The following CNN3 variants were observed in gnomAD, a reference collection of about 807,000 sequenced individuals.
CNN3 encodes the protein calponin 3, also known as calponin-3.
CNN3 carries 11 observed loss-of-function variants against 39.0 expected under a neutral mutation model. The ratio of observed to expected loss-of-function variants is 0.28; its 90% CI spans 0.18 to 0.47. CNN3 has a LOEUF of 0.47. CNN3 is among the 20% of genes least tolerant of loss of function. The pLI is 0.99. For missense variants in CNN3, 266 were observed against 403.4 expected (o/e 0.66, Z 2.92); for synonymous variants, 101 against 138.3 (o/e 0.73, Z 1.89).
At chr1:94,918,520 A>T (rs1473285288) in intron 1 of CNN3, among the ~76,000 whole-genome samples, 1 of 134,682 alleles carries the variant, frequency 7.4e-6, no homozygotes, top group East Asian at 2.1e-4. Flanking sequence ...AAAAAAAAAA[A>T]GTCGGCAAGG....
chr1:94,900,483 T>C (rs924190337), intron 5 of CNN3, among the ~76,000 whole-genome samples: 2 of 152,206 alleles, frequency 1.3e-5, no homozygotes, highest in Non-Finnish European at 2.9e-5. Context: ...CTGATTTTTT[T>C]CCCCCATAAC....
At chr1:94,910,090 C>T (rs1348904075) in intron 1 of CNN3, among the ~76,000 whole-genome samples, 1 of 152,208 alleles carries the variant, frequency 6.6e-6, no homozygotes, top group Non-Finnish European at 1.5e-5. Flanking sequence ...TTACAACAGT[C>T]TCCCTAATTT....
intron 1 of CNN3, among the ~76,000 whole-genome samples, chr1:94,915,942 T>C (rs1235069574): frequency 6.6e-6 from 1 of 152,146 alleles, no homozygotes; most frequent in Admixed American, 6.5e-5. Flanking sequence ...GCTGGGCCCC[T>C]TCTCTTCCCA....
At chr1:94,918,404 G>A (rs1433771267) in intron 1 of CNN3, among the ~76,000 whole-genome samples, 2 of 147,020 alleles carry the variant, frequency 1.4e-5, no homozygotes, top group Non-Finnish European at 3.0e-5. Flanking sequence ...TGAGGCAGGA[G>A]AATCACTCGA....
At chr1:94,911,664 G>C (rs1671169111) in intron 1 of CNN3, among the ~76,000 whole-genome samples, 2 of 152,156 alleles carry the variant, frequency 1.3e-5, no homozygotes, top group South Asian at 4.1e-4. Flanking sequence ...AGCAACTTGG[G>C]AGGCTGAGGT....
In CNN3 at chr1:94,897,695, A is replaced by G. The variant is rs1176514596; in HGVS notation, c.*47T>C. 6.5e-7 allele frequency: 1 copy of G among 1,531,030 alleles called. No homozygotes were observed. Among genetic ancestry groups the G allele is most frequent in the African/African-American group, 1.4e-5 (1 of 73,226 alleles). 94.8% of individuals were successfully genotyped at this position (1,531,030 alleles called of 1,614,324 possible). ...ATTACTCAAGGCTAGCTTGGTTCTC[A>G]CTGAATAAAAACAAAGGACTAAATA... is the stretch of plus-strand genomic sequence containing the variant. On this transcript the variant is annotated 3_prime_UTR_variant, in exon 7 of 7. Transcript: ENST00000370206.
chr1:94,899,144 C>T (rs142788294), intron 6 of CNN3, among the ~76,000 whole-genome samples: 2 of 152,166 alleles, frequency 1.3e-5, no homozygotes, highest in African/African-American at 4.8e-5. Context: ...TTTCTGCTGG[C>T]TAGGTAGAAA....
At chr1:94,906,917 G>A (rs1237766042) in intron 1 of CNN3, among the ~76,000 whole-genome samples, 2 of 152,138 alleles carry the variant, frequency 1.3e-5, no homozygotes, top group African/African-American at 2.4e-5. Flanking sequence ...CCCAAACCAC[G>A]AAGTGACTAC....
chr1:94,920,519 T>C (rs573452764), intron 1 of CNN3, among the ~76,000 whole-genome samples: 15 of 152,374 alleles, frequency 9.8e-5, no homozygotes, highest in African/African-American at 3.6e-4. Flanking sequence ...ATGTGGGCTT[T>C]TGATTCCAGG....
At chr1:94,906,379 G>A (rs1046156373) in intron 1 of CNN3, among the ~76,000 whole-genome samples, 2 of 152,146 alleles carry the variant, frequency 1.3e-5, no homozygotes, top group African/African-American at 4.8e-5. Context: ...GGAGGTGGTG[G>A]TATGAAAGGG....
intron 1 of CNN3, among the ~76,000 whole-genome samples, chr1:94,916,755 T>G (rs1671286923): frequency 6.6e-6 from 1 of 152,236 alleles, no homozygotes; most frequent in Non-Finnish European, 1.5e-5. Flanking sequence ...AAGTTTCCTC[T>G]GCTTCAGTTT....
intron 1 of CNN3, among the ~76,000 whole-genome samples, chr1:94,912,760 A>T (rs1158255011): frequency 6.6e-6 from 1 of 152,216 alleles, no homozygotes; most frequent in Non-Finnish European, 1.5e-5. Flanking sequence ...TTTGAATGTC[A>T]CTGCCTTTTA....
chr1:94,912,228 T>A (rs1357636909), intron 1 of CNN3, among the ~76,000 whole-genome samples: 2 of 152,060 alleles, frequency 1.3e-5, no homozygotes, highest in Non-Finnish European at 2.9e-5. Context: ...ACACATATAG[T>A]TTATAGTGGA....
At chr1:94,910,769 C>T (rs1229861556) in intron 1 of CNN3, among the ~76,000 whole-genome samples, 3 of 152,182 alleles carry the variant, frequency 2.0e-5, no homozygotes, top group Non-Finnish European at 4.4e-5. Context: ...GAACCCACCG[C>T]AATACCTGAC....
Position 94,912,275 on chromosome 1 carries a change from G to C in CNN3, c.58-8751C>G, listed in dbSNP as rs182275534. On this transcript the variant is annotated intron_variant, in intron 1 of 6. Transcript: ENST00000370206. ...TCAAATCTAAACAAGGAGCGAACAAGTATAGACACTGGATTCCCAGAAGAA... is the reference window on the plus strand; with the variant it reads ...TCAAATCTAAACAAGGAGCGAACAACTATAGACACTGGATTCCCAGAAGAA... Among the ~76,000 whole-genome samples the C allele has an allele frequency of 1.0e-3, 157 of 152,288 alleles. 2 individuals carry two copies. The highest frequency in any genetic ancestry group is 9.2e-3 in the Admixed American group (141 of 15,294).
rs1297266789 is a variant in CNN3 at position 94,926,981 on chromosome 1, G to T, written c.-87C>A. On this transcript the variant is annotated 5_prime_UTR_variant, in exon 1 of 7. Coordinates refer to ENST00000370206, the MANE Select transcript of CNN3 (RefSeq NM_001839.5). The surrounding 1 kb of genome is among the most constrained non-coding windows in gnomAD (Gnocchi z 4.2). ...CCGCTCCTGGCCCCGAGGAGTGGCC[G>T]CCGCGGGGGATGCTCGAACTCCCTC... is the stretch of plus-strand genomic sequence containing the variant. 7.1e-7 allele frequency: 1 copy of T among 1,416,082 alleles called. No individual in the cohort carries two copies. Among genetic ancestry groups the T allele is most frequent in the Non-Finnish European group, 9.8e-7 (1 of 1,025,598 alleles). The allele number at this position is 1,416,082 out of a possible 1,614,324, so 87.7% of individuals were successfully genotyped here. A position where few individuals can be genotyped will look rare whatever the true frequency, so the allele number is the denominator to read the frequency against.
rs1289374364 is a variant in CNN3, at chr1:94,903,458, T to G, written c.124A>C (p.Met42Leu). 6 of 1,613,082 alleles carry G rather than the reference T, an allele frequency of 3.7e-6. No individual in the cohort carries two copies. In the South Asian group the frequency reaches 4.4e-5, roughly 12 times the overall value. Reference protein sequence around the residue: ...LRNWIEEVTGMSIGPNFQLGL... With the variant: ...LRNWIEEVTGLSIGPNFQLGL... ...AGCTGGAAGTTGGGGCCAATGCTCA[T>G]GCCTGTCACCTCTTCTATCCAATTG... is the stretch of plus-strand genomic sequence containing the variant. Residue 42 changes from methionine (M) to leucine (L), a missense_variant, in exon 2 of 7, where the codon ATG (methionine) becomes CTG (leucine). Met to Leu is a conservative substitution (Grantham distance 15). Coordinates refer to ENST00000370206, the MANE Select transcript of CNN3 (RefSeq NM_001839.5).
chr1:94,921,757 T>A (rs1178122875), intron 1 of CNN3, among the ~76,000 whole-genome samples: 1 of 152,164 alleles, frequency 6.6e-6, no homozygotes, highest in Non-Finnish European at 1.5e-5. Context: ...CTGACGATAA[T>A]CCTCGTTAAA....
At chr1:94,917,426 T>C (rs1238488735) in intron 1 of CNN3, among the ~76,000 whole-genome samples, 5 of 152,216 alleles carry the variant, frequency 3.3e-5, no homozygotes, top group Admixed American at 6.5e-5. Flanking sequence ...CTGAGTCTGC[T>C]GGGGACGAGG....
Sources: gnomAD v4.1 joint callset for allele counts (sites outside exome capture counted in the v4.1 genomes callset) on GRCh38, gnomAD v4.1.1 for gene constraint, Gnocchi (gnomAD v3.1) non-coding constraint, MANE v1.5 for transcripts, NCBI Gene and HGNC (gene_info 2026-07-23, HGNC 2026-07-21) for gene names.